Variants in VWA2 observed in about 807,000 individuals in gnomAD.
The protein encoded by VWA2 is von Willebrand factor A domain-containing protein 2.
In VWA2, 73 loss-of-function variants were observed where a neutral mutation model predicts 70.4. The observed-to-expected ratio is 1.04, with a 90% CI of 0.86 to 1.26. The LOEUF is 1.26. VWA2 is among the 50% of genes most tolerant of loss of function. The probability of loss-of-function intolerance (pLI) is 0.00; values close to 1 mark genes in which losing one functional copy is unlikely to be tolerated. For synonymous variants in VWA2, 407 were observed against 423.3 expected, an observed-to-expected ratio of 0.96 and a Z score of 0.47; for missense variants, 1,011 against 998.5, an observed-to-expected ratio of 1.01 and a Z score of -0.17.
rs527439886 is a variant in VWA2 at position 114,290,358 on chromosome 10, C to A, written c.2241C>A (p.Cys747Ter). Residue 747 changes from cysteine to a stop codon, truncating the protein, a stop_gained, in exon 13 of 14, where the codon TGC becomes TGA. Coordinates refer to ENST00000392982, the MANE Select transcript of VWA2 (RefSeq NM_001272046.2). LOFTEE classifies it high-confidence loss of function. ...KCRDGWEGPH[C>*]ENRFLRRP ...GGGATGGCTGGGAGGGCCCCCACTGCGAGAACCGTGAGTGGAGCTCTTGCT... is the reference window on the plus strand; with the variant it reads ...GGGATGGCTGGGAGGGCCCCCACTGAGAGAACCGTGAGTGGAGCTCTTGCT... The A allele has an allele frequency of 4.6e-5, 71 of 1,550,450 alleles. 1 individual carries two copies. In the Admixed American group the frequency reaches 1.3e-3, roughly 29 times the overall value.
At chr10:114,240,125 C>T (rs2036949714) in intron 1 of VWA2, among the ~76,000 whole-genome samples, 1 of 152,220 alleles carries the variant, frequency 6.6e-6, no homozygotes, top group African/African-American at 2.4e-5. Flanking sequence ...CAAGCAGAAC[C>T]TGAGAGGGGC....
rs1342071360 is a variant in VWA2 at position 114,291,855 on chromosome 10, A to T, written c.*618A>T. On this transcript the variant is annotated 3_prime_UTR_variant, in exon 14 of 14. Transcript: ENST00000392982. ...GAGACTTGGAAAGGTCTCAGACTGA[A>T]ATGTGACCAATTAACCAGCTTGTTT... Among the ~76,000 whole-genome samples, 1 of 152,164 alleles carries T rather than the reference A, an allele frequency of 6.6e-6. No individual in the cohort carries two copies. Among genetic ancestry groups the T allele is most frequent in the African/African-American group, 2.4e-5 (1 of 41,436 alleles).
intron 4 of VWA2, among the ~76,000 whole-genome samples, chr10:114,257,464 G>C (rs533292761): frequency 2.0e-5 from 3 of 152,136 alleles, no homozygotes; most frequent in Non-Finnish European, 4.4e-5. Flanking sequence ...GGGAATGAAG[G>C]GTCCTATGGA....
intron 8 of VWA2, among the ~76,000 whole-genome samples, chr10:114,279,828 C>A (rs1448085627): frequency 2.6e-5 from 4 of 152,194 alleles, no homozygotes; most frequent in Non-Finnish European, 4.4e-5. Context: ...AGACCAGCGG[C>A]CACCCTGAGG....
intron 4 of VWA2, among the ~76,000 whole-genome samples, chr10:114,258,606 A>G (rs933450234): frequency 1.3e-5 from 2 of 152,196 alleles, no homozygotes; most frequent in African/African-American, 4.8e-5. Context: ...ACTCAAGTAA[A>G]TACACCCAGC....
At chr10:114,243,836 C>T (rs1041006771) in intron 1 of VWA2, among the ~76,000 whole-genome samples, 1 of 152,186 alleles carries the variant, frequency 6.6e-6, no homozygotes, top group African/African-American at 2.4e-5. Context: ...TGGCATCCTG[C>T]AGCAGACTTC....
rs548735935 is a variant in VWA2 at position 114,282,553 on chromosome 10, T to C, written c.871T>C (p.Tyr291His). 2 of 1,614,098 alleles carry C rather than the reference T, an allele frequency of 1.2e-6. No homozygotes were observed. Among genetic ancestry groups the C allele is most frequent in the Admixed American group, 1.7e-5 (1 of 60,028 alleles). Residue 291 changes from tyrosine to histidine, a missense_variant, in exon 9 of 14, where the codon TAC becomes CAC. Physicochemically the swap from Tyr to His is moderately conservative, Grantham distance 83. Coordinates refer to ENST00000392982, the MANE Select transcript of VWA2 (RefSeq NM_001272046.2). The stretch of plus-strand genomic sequence containing the variant: ...GTTCCTAACCCACCCTGCCACCTGC[T>C]ACAGGACCACCTGCCCAGGTATGGT... ...RVFLTHPATCYRTTCPGPCDS... is the reference protein window; with the variant it reads ...RVFLTHPATCHRTTCPGPCDS...
intron 2 of VWA2, 46 bp downstream of exon 2, chr10:114,248,811 A>AG (rs1203720009): frequency 1.9e-6 from 3 of 1,563,026 alleles, no homozygotes; most frequent in Admixed American, 1.7e-5. Flanking sequence ...CGTGTTGAGT[A>AG]GGGGGGTTGC....
chr10:114,276,649 A>G (rs773180862), intron 6 of VWA2, among the ~76,000 whole-genome samples: 11 of 150,294 alleles, frequency 7.3e-5, no homozygotes, highest in Non-Finnish European at 1.0e-4. Context: ...CTGGGAATAC[A>G]GATGTCTGCC....
At position 114,293,277 on chromosome 10, in the gene VWA2, C is replaced by T. The variant is rs1356082535; in HGVS notation, c.*2040C>T. ...CACATGCTCCCTAGCAGATGCTGAT[C>T]AGTGATGTCATAGAAATTACATGAA... is the stretch of plus-strand genomic sequence containing the variant. On this transcript the variant is annotated 3_prime_UTR_variant, in exon 14 of 14. Transcript: ENST00000392982. Among the ~76,000 whole-genome samples, 2 of 152,166 alleles carry T rather than the reference C, an allele frequency of 1.3e-5. No individual in the cohort carries two copies. The highest frequency in any genetic ancestry group is 2.9e-5 in the Non-Finnish European group (2 of 68,032).
chr10:114,278,299 C>T (rs1221340288), intron 7 of VWA2, among the ~76,000 whole-genome samples: 1 of 152,160 alleles, frequency 6.6e-6, no homozygotes, highest in Non-Finnish European at 1.5e-5. Flanking sequence ...GTAGTAGGTT[C>T]CCTGTCCCCT....
rs566686002 is a variant in VWA2 at position 114,289,685 on chromosome 10, G to C, written c.2122+196G>C. 28 of 626,158 alleles carry C rather than the reference G, an allele frequency of 4.5e-5. No homozygotes were observed. In the South Asian group the frequency reaches 5.1e-4, roughly 11 times the overall value. The allele number at this position is 626,158 out of a possible 1,614,324, so 38.8% of individuals were successfully genotyped here. A position where few individuals can be genotyped will look rare whatever the true frequency, so the allele number is the denominator to read the frequency against. Reference sequence around the variant, plus strand: ...ATAACCATCCTATTTGACATTTAAGGTACAGAAAGTTTAACTAACATAGAT... The same window carrying C: ...ATAACCATCCTATTTGACATTTAAGCTACAGAAAGTTTAACTAACATAGAT... On this transcript the variant is annotated intron_variant, in intron 12 of 13. Transcript: ENST00000392982.
At chr10:114,259,729 G>A (rs1234831794) in intron 4 of VWA2, among the ~76,000 whole-genome samples, 1 of 152,010 alleles carries the variant, frequency 6.6e-6, no homozygotes, top group Non-Finnish European at 1.5e-5. Flanking sequence ...GGTTTGAGAT[G>A]CCCCTTTTTA....
intron 5 of VWA2, among the ~76,000 whole-genome samples, chr10:114,263,154 TGCA>T: frequency 6.6e-6 from 1 of 152,224 alleles, no homozygotes; most frequent in South Asian, 2.1e-4. Flanking sequence ...TAGCTGGGAC[TGCA>T]GGCATGTGCC....
At chr10:114,276,425 A>G (rs2037843348) in intron 6 of VWA2, among the ~76,000 whole-genome samples, 1 of 152,214 alleles carries the variant, frequency 6.6e-6, no homozygotes, top group South Asian at 2.1e-4. Context: ...TGCCCACCAG[A>G]GTTTGAGGGT....
rs2133307455 is a variant in VWA2 at position 114,254,804 on chromosome 10, C to G, written c.128-111C>G. ...GCTTCTGCAGTTCTCCCCTTTCATGCTAAGAGGGACAGCAGCCTGGCCCAC... is the reference window on the plus strand; with the variant it reads ...GCTTCTGCAGTTCTCCCCTTTCATGGTAAGAGGGACAGCAGCCTGGCCCAC... On this transcript the variant is annotated intron_variant, in intron 3 of 13. Coordinates refer to ENST00000392982, the MANE Select transcript of VWA2 (RefSeq NM_001272046.2). 6 of 1,444,028 alleles carry G rather than the reference C, an allele frequency of 4.2e-6. No individual in the cohort carries two copies. The South Asian group carries it at 7.7e-5, about 19-fold the overall frequency. The allele number at this position is 1,444,028 out of a possible 1,614,324, so 89.5% of individuals were successfully genotyped here. A position where few individuals can be genotyped will look rare whatever the true frequency, so the allele number is the denominator to read the frequency against.
Position 114,286,368 on chromosome 10 carries a change from T to C in VWA2, c.1427T>C (p.Leu476Pro). 6.2e-7 allele frequency: 1 copy of C among 1,613,916 alleles called. No individual in the cohort carries two copies. The highest frequency in any genetic ancestry group is 1.3e-5 in the African/African-American group (1 of 75,080). Residue 476 changes from leucine (L) to proline (P), a missense_variant, in exon 11 of 14, where the codon CTG (leucine) becomes CCG (proline). Physicochemically the swap from Leu to Pro is moderately conservative, Grantham distance 98 (BLOSUM62 -3). Coordinates refer to ENST00000392982, the MANE Select transcript of VWA2 (RefSeq NM_001272046.2). The stretch of plus-strand genomic sequence containing the variant: ...GCAAGGGCGCGAGAGCTGCTCCTGC[T>C]GGGTGTAGGCAGTGAGGCCGTGCGG... ...RHARARELLL[L>P]GVGSEAVRAE...
In VWA2 at chr10:114,289,128, C is replaced by T; in HGVS notation, c.1761C>T (p.Thr587=). 1.2e-6 allele frequency: 2 copies of T among 1,614,054 alleles called. No individual in the cohort carries two copies. The highest frequency in any genetic ancestry group is 8.5e-7 in the Non-Finnish European group (1 of 1,180,014). ...SQVQTAFGLD[T]KPTRAAMLRA... ...TGCAGACTGCCTTCGGGCTGGACAC[C>T]AAACCCACCCGGGCTGCGATGCTGC... The change falls in exon 12 of 14, where the codon ACC becomes ACT. Residue 587 remains threonine, a synonymous_variant. Transcript: ENST00000392982.
chr10:114,259,924 C>A (rs1410647156), intron 4 of VWA2, among the ~76,000 whole-genome samples: 1 of 152,164 alleles, frequency 6.6e-6, no homozygotes, highest in African/African-American at 2.4e-5. Context: ...AAAAGGAACC[C>A]CACCCAGCTG....
Sources: allele counts gnomAD v4.1 joint callset (sites outside exome capture counted in the v4.1 genomes callset), GRCh38; gene constraint gnomAD v4.1.1; transcripts MANE v1.5; gene names NCBI Gene and HGNC (gene_info 2026-07-23, HGNC 2026-07-21).